CC2D1A: variants seen among roughly 807,000 people sequenced by gnomAD.
CC2D1A encodes coiled-coil and C2 domain-containing protein 1A.
Under a neutral mutation model 123.8 loss-of-function variants are expected in CC2D1A, and 68 were observed. The observed-to-expected ratio is 0.55, with a 90% CI of 0.45 to 0.67. The LOEUF (loss-of-function observed/expected upper bound fraction) is 0.67, where lower values mean the gene tolerates loss of function less well. CC2D1A is among the 30% of genes least tolerant of loss of function. The pLI is 0.00. For synonymous variants in CC2D1A, 477 were observed against 528.0 expected, an observed-to-expected ratio of 0.90 and a Z score of 1.32; for missense variants, 1,185 against 1,290.3, an observed-to-expected ratio of 0.92 and a Z score of 1.25.
chr19:13,926,065 T>TACACACACACAC (rs111396032), intron 17 of CC2D1A, among the ~76,000 whole-genome samples: 20 of 128,078 alleles, frequency 1.6e-4, no homozygotes, highest in Admixed American at 7.8e-5. Context: ...TATGTATATA[T>TACACACACACAC]ACACACACAC....
Position 13,923,880 on chromosome 19 carries a change from G to A in CC2D1A, c.1940+69G>A. On this transcript the variant is annotated intron_variant, in intron 17 of 28. Transcript: ENST00000318003. The surrounding 1 kb of genome is among the most constrained non-coding windows in gnomAD (Gnocchi z 5.3). ...CTTTGGTGGCGGTGGGGCGGGTTGT[G>A]CTCCCCAGAAGCTGGCACAAGATTT... 1 of 1,182,710 alleles carries A rather than the reference G, an allele frequency of 8.5e-7. No homozygotes were observed. The allele number at this position is 1,182,710 out of a possible 1,614,324, so 73.3% of individuals were successfully genotyped here. A position where few individuals can be genotyped will look rare whatever the true frequency, so the allele number is the denominator to read the frequency against.
intron 6 of CC2D1A, among the ~76,000 whole-genome samples, chr19:13,916,419 C>T (rs757738526): frequency 1.4e-4 from 21 of 151,996 alleles, no homozygotes; most frequent in Non-Finnish European, 2.4e-4. Flanking sequence ...TAAAAATTAG[C>T]CAGCCATGGT....
At chr19:13,920,091 A>T (rs557757912) in intron 12 of CC2D1A, 140 bp downstream of exon 12, 256 of 836,772 alleles carry the variant, frequency 3.1e-4, no homozygotes, top group Admixed American at 7.4e-4. Flanking sequence ...CTACAAAAAA[A>T]TTTTTTAAAA....
rs11669628 is a variant in CC2D1A at position 13,930,083 on chromosome 19, G to A, written c.2716G>A (p.Ala906Thr). The change falls in exon 27 of 29, where the codon GCA becomes ACA. Residue 906 changes from alanine (A) to threonine (T), a missense_variant. Physicochemically the swap from Ala to Thr is moderately conservative, Grantham distance 58. Coordinates refer to ENST00000318003, the MANE Select transcript of CC2D1A (RefSeq NM_017721.5). This position sits in a 1 kb window ranked among gnomAD's most constrained non-coding sequence, Gnocchi z 6.8. The stretch of plus-strand genomic sequence containing the variant: ...CCCCCGCCATCCATTCTCAGAATAC[G>A]CAGCCCAGCTGGAGCGGCAGCTGCA... ...QGGVGIRREY[A>T]AQLERQLQFY... The A allele has an allele frequency of 0.13, 209,733 of 1,611,676 alleles. 14,650 individuals are homozygous for A. Among genetic ancestry groups the A allele is most frequent in the East Asian group, 0.25 (11,234 of 44,816 alleles).
At position 13,930,572 on chromosome 19, in the gene CC2D1A, A is replaced by T; in HGVS notation, c.*177A>T. On this transcript the variant is annotated 3_prime_UTR_variant, in exon 29 of 29. Transcript: ENST00000318003. The surrounding 1 kb of genome is among the most constrained non-coding windows in gnomAD (Gnocchi z 6.8). Reference sequence around the variant, plus strand: ...TCCGTGGCTGCGGGTGTTGGGAACCATGCCTGCCAGCCAGTATGTGCCCCT... The same window carrying T: ...TCCGTGGCTGCGGGTGTTGGGAACCTTGCCTGCCAGCCAGTATGTGCCCCT... The T allele has an allele frequency of 1.4e-6, 1 of 702,640 alleles. No homozygotes were observed. Among genetic ancestry groups the T allele is most frequent in the Non-Finnish European group, 2.3e-6 (1 of 430,116 alleles). 43.5% of individuals were successfully genotyped at this position (702,640 alleles called of 1,614,324 possible).
At position 13,913,461 on chromosome 19, in the gene CC2D1A, A is replaced by G. The variant is rs1971083610; in HGVS notation, c.571A>G (p.Ile191Val). The G allele has an allele frequency of 6.2e-7, 1 of 1,614,070 alleles. No homozygotes were observed. The highest frequency in any genetic ancestry group is 1.3e-5 in the African/African-American group (1 of 74,940). ...RKGNAIDEAD[I>V]PPPVAIGKGP... The stretch of plus-strand genomic sequence containing the variant: ...GGGCAATGCCATTGACGAAGCGGAC[A>G]TCCCGCCGCCAGTGGCCATAGGAAA... The change falls in exon 6 of 29, where the codon ATC (isoleucine) becomes GTC (valine). Residue 191 changes from isoleucine (I) to valine (V), a missense_variant. Transcript: ENST00000318003.
chr19:13,908,819 A>C (rs1419171524), intron 1 of CC2D1A, among the ~76,000 whole-genome samples: 1 of 152,126 alleles, frequency 6.6e-6, no homozygotes, highest in Non-Finnish European at 1.5e-5. Context: ...TGCTTTGGGC[A>C]AAGTGTGGAG....
At chr19:13,909,998 C>A in intron 2 of CC2D1A, 40 bp downstream of exon 2, 1 of 1,494,912 alleles carries the variant, frequency 6.7e-7, no homozygotes, top group East Asian at 2.3e-5. Flanking sequence ...TTTCTGATCT[C>A]CTGCAAGTGG....
chr19:13,915,300 C>T (rs944716664), intron 6 of CC2D1A, among the ~76,000 whole-genome samples: 4 of 152,184 alleles, frequency 2.6e-5, no homozygotes, highest in African/African-American at 4.8e-5. Context: ...GGCTGGAGTG[C>T]GATGGCGTGA....
chr19:13,925,961 C>CGTATATATATGTATATATATATATAT (rs1971590775), intron 17 of CC2D1A, among the ~76,000 whole-genome samples: 6 of 98,390 alleles, frequency 6.1e-5, no homozygotes, highest in African/African-American at 3.6e-4. Context: ...TATATATATA[C>CGTATATATATGTATATATATATATAT]ACGTATATAT....
intron 24 of CC2D1A, among the ~76,000 whole-genome samples, chr19:13,929,007 CTTT>C (rs747988281): frequency 7.3e-6 from 1 of 137,398 alleles, no homozygotes. Flanking sequence ...CCATGCTCGG[CTTT>C]TTTTTTTTTT....
chr19:13,924,334 C>A (rs1222519725), intron 17 of CC2D1A, among the ~76,000 whole-genome samples: 1 of 151,926 alleles, frequency 6.6e-6, no homozygotes, highest in African/African-American at 2.4e-5. Context: ...CCACGCCTGG[C>A]TAATTTTTTG....
intron 14 of CC2D1A, among the ~76,000 whole-genome samples, chr19:13,922,126 C>T (rs1460154741): frequency 3.3e-5 from 5 of 152,120 alleles, no homozygotes; most frequent in Non-Finnish European, 5.9e-5. Flanking sequence ...CTTAGCCTCC[C>T]GAGTAGCTGG....
intron 2 of CC2D1A, among the ~76,000 whole-genome samples, chr19:13,911,860 C>T (rs998258249): frequency 7.2e-5 from 11 of 151,946 alleles, no homozygotes; most frequent in East Asian, 1.9e-4. Flanking sequence ...GGACCACAGG[C>T]GCCCGCCAGC....
chr19:13,927,194 C>T lies in CC2D1A; in HGVS notation c.2245C>T (p.Arg749Trp), dbSNP rs1971674342. 1.4e-5 allele frequency: 22 copies of T among 1,613,900 alleles called. No homozygotes were observed. The highest frequency in any genetic ancestry group is 1.6e-4 in the Middle Eastern group (1 of 6,084). ...VHKGGLFKTDRVLGTAQLKLD... is the reference protein window; with the variant it reads ...VHKGGLFKTDWVLGTAQLKLD... ...ACACAGGGGGCTGTTCAAGACTGAC[C>T]GGGTGCTGGGGACAGCCCAGCTGAA... Residue 749 changes from arginine to tryptophan, a missense_variant, in exon 22 of 29, where the codon CGG becomes TGG. Arg to Trp is a moderately radical substitution (Grantham distance 101). Transcript: ENST00000318003.
At position 13,909,839 on chromosome 19, in the gene CC2D1A, A is replaced by C. The variant is rs1970931461; in HGVS notation, c.77A>C (p.Asp26Ala). Residue 26 changes from aspartate to alanine, a missense_variant, in exon 2 of 29, where the codon GAC (aspartate) becomes GCC (alanine). Transcript: ENST00000318003. ...TTCCCCTAGCTGGGCCTGCTGGTTG[A>C]CCTCTCCCCAGATGGCCTGATGATC... Reference protein sequence around the residue: ...AAARQLGLLVDLSPDGLMIPE... With the variant: ...AAARQLGLLVALSPDGLMIPE... The C allele has an allele frequency of 1.3e-6, 2 of 1,581,692 alleles. No individual in the cohort carries two copies. Among genetic ancestry groups the C allele is most frequent in the Non-Finnish European group, 1.7e-6 (2 of 1,159,824 alleles).
intron 2 of CC2D1A, among the ~76,000 whole-genome samples, chr19:13,911,421 C>T (rs1970990711): frequency 4.6e-5 from 7 of 152,180 alleles, no homozygotes; most frequent in Admixed American, 4.6e-4. Context: ...GAAGGAGGAA[C>T]TGTTGTCATC....
In CC2D1A at chr19:13,920,588, C is replaced by G; in HGVS notation, c.1388C>G (p.Pro463Arg). The change falls in exon 13 of 29, where the codon CCC becomes CGC. Residue 463 changes from proline to arginine, a missense_variant. By Grantham distance (103) the Pro-to-Arg change is moderately radical. Coordinates refer to ENST00000318003, the MANE Select transcript of CC2D1A (RefSeq NM_017721.5). ...AGCCCTGTGGCCCCCACAGCCCAGC[C>G]CAAAGCCCCACCCTCAAGAACTCCC... ...QNSPVAPTAQ[P>R]KAPPSRTPQS... 1 of 1,608,622 alleles carries G rather than the reference C, an allele frequency of 6.2e-7. No homozygotes were observed.
rs1411067360 is a variant in CC2D1A, at chr19:13,918,095, C to G, written c.774C>G (p.Ala258=). 1.2e-6 allele frequency: 2 copies of G among 1,612,968 alleles called. No individual in the cohort carries two copies. The highest frequency in any genetic ancestry group is 8.5e-7 in the Non-Finnish European group (1 of 1,179,948). Residue 258 remains alanine (A), a synonymous_variant, in exon 7 of 29, where the codon GCC becomes GCG. Coordinates refer to ENST00000318003, the MANE Select transcript of CC2D1A (RefSeq NM_017721.5). ...PPGPCSPGPL[A]QLQSRQRDYK... is the part of the protein sequence containing the mutation. ...GTCCCTGCAGCCCTGGCCCTCTGGCCCAGTTGCAGAGCCGCCAGCGCGACT... is the reference window on the plus strand; with the variant it reads ...GTCCCTGCAGCCCTGGCCCTCTGGCGCAGTTGCAGAGCCGCCAGCGCGACT...
Sources: gnomAD v4.1 joint callset for allele counts (sites outside exome capture counted in the v4.1 genomes callset) on GRCh38, gnomAD v4.1.1 for gene constraint, Gnocchi (gnomAD v3.1) non-coding constraint, MANE v1.5 for transcripts, NCBI Gene and HGNC (gene_info 2026-07-23, HGNC 2026-07-21) for gene names.